SVIL: variants seen among roughly 807,000 people sequenced by gnomAD.
The protein encoded by SVIL is supervillin.
Under a neutral mutation model 240.4 loss-of-function variants are expected in SVIL, and 101 were observed. The observed-to-expected ratio is 0.42, with a 90% CI of 0.36 to 0.50. SVIL has a LOEUF of 0.50. SVIL is among the 20% of genes least tolerant of loss of function. The probability of loss-of-function intolerance (pLI) is 0.01; values close to 1 mark genes in which losing one functional copy is unlikely to be tolerated. For synonymous variants in SVIL, 999 were observed against 1,100.0 expected (o/e 0.91, Z 1.82); for missense variants, 2,512 against 2,818.7 (o/e 0.89, Z 2.46).
At chr10:29,475,242 C>G (rs10740804) in intron 29 of SVIL, 56,939 of 152,054 alleles carry the variant, frequency 0.37, 10,983 homozygotes, top group East Asian at 0.54. Context: ...TGTTACCCAG[C>G]CTAGTCTCTA....
chr10:29,719,900 A>G (rs561046563), intron 1 of SVIL, among the ~76,000 whole-genome samples: 2 of 152,376 alleles, frequency 1.3e-5, no homozygotes, highest in East Asian at 3.9e-4. Context: ...AATGATATTT[A>G]AAGAAATAAT....
chr10:29,510,119 C>A (rs1949719241), intron 17 of SVIL, among the ~76,000 whole-genome samples: 1 of 152,180 alleles, frequency 6.6e-6, no homozygotes, highest in Non-Finnish European at 1.5e-5. Context: ...GTCTAAAACT[C>A]CTGGGCTCAA....
At chr10:29,578,414 CA>C (rs1278285959) in intron 1 of SVIL, among the ~76,000 whole-genome samples, 1 of 152,206 alleles carries the variant, frequency 6.6e-6, no homozygotes. Flanking sequence ...GCCTATGGCT[CA>C]AAATCAGCCT....
intron 17 of SVIL, chr10:29,508,565 C>T: frequency 2.5e-6 from 1 of 395,648 alleles, no homozygotes; most frequent in Non-Finnish European, 4.9e-6. Context: ...GCAGAATGAT[C>T]ATCTGGAGTT....
intron 17 of SVIL, among the ~76,000 whole-genome samples, chr10:29,500,079 G>A (rs1415892616): frequency 6.6e-6 from 1 of 152,138 alleles, no homozygotes; most frequent in Non-Finnish European, 1.5e-5. Flanking sequence ...AGGGCATCAG[G>A]AAAGGAGGAG....
At position 29,578,335 on chromosome 10, in the gene SVIL, C is replaced by T. The variant is rs1300811322; in HGVS notation, c.-200-9023G>A. ...ACAAATGAAGATGAAGGCAATAAGA[C>T]CTCTTAAATCCCCAAAGCTTAGACA... On this transcript the variant is annotated intron_variant, in intron 1 of 37. Coordinates refer to ENST00000355867, the MANE Select transcript of SVIL (RefSeq NM_021738.3). 2.6e-5 allele frequency among the ~76,000 whole-genome samples: 4 copies of T among 152,138 alleles called. No homozygotes were observed. The East Asian group carries it at 5.8e-4, about 22-fold the overall frequency.
chr10:29,603,434 A>G (rs1956891439), intron 1 of SVIL, among the ~76,000 whole-genome samples: 1 of 152,248 alleles, frequency 6.6e-6, no homozygotes, highest in South Asian at 2.1e-4. Flanking sequence ...ATGTACTCAT[A>G]TGAAGCTTTT....
intron 3 of SVIL, among the ~76,000 whole-genome samples, chr10:29,557,288 G>A (rs1443871394): frequency 1.3e-5 from 1 of 74,236 alleles, no homozygotes; most frequent in Non-Finnish European, 2.7e-5. Flanking sequence ...TGTGGAGACG[G>A]GGTTTCGCTA....
Position 29,484,842 on chromosome 10 carries a change from T to A in SVIL, c.4780-11A>T, listed in dbSNP as rs375137896. The A allele has an allele frequency of 6.3e-6, 10 of 1,594,026 alleles. No individual in the cohort carries two copies. Among genetic ancestry groups the A allele is most frequent in the African/African-American group, 2.7e-5 (2 of 73,994 alleles). On this transcript the variant is annotated splice_polypyrimidine_tract_variant and intron_variant, in intron 26 of 37. Transcript: ENST00000355867. This position sits in a 1 kb window ranked among gnomAD's most constrained non-coding sequence, Gnocchi z 4.7. The stretch of plus-strand genomic sequence containing the variant: ...ATCAAACACCAGTACCTGGGAGAAA[T>A]GGCACAAAAGAATTTGTTAACTTCA...
At chr10:29,536,893 A>T (rs1430926841) in intron 6 of SVIL, among the ~76,000 whole-genome samples, 2 of 142,186 alleles carry the variant, frequency 1.4e-5, no homozygotes, top group African/African-American at 5.4e-5. Context: ...CCCGGGCGAT[A>T]ACAGCACGAC....
At chr10:29,570,199 C>T (rs1564656906) in intron 1 of SVIL, among the ~76,000 whole-genome samples, 1 of 152,176 alleles carries the variant, frequency 6.6e-6, no homozygotes, top group Non-Finnish European at 1.5e-5. Flanking sequence ...TAAAGAAATA[C>T]AATAAAATGA....
intron 1 of SVIL, among the ~76,000 whole-genome samples, chr10:29,710,880 C>G (rs1963227735): frequency 6.6e-6 from 1 of 152,136 alleles, no homozygotes; most frequent in Non-Finnish European, 1.5e-5. Flanking sequence ...TGGCATCCAA[C>G]ACATGGTAGA....
chr10:29,525,074 G>A (rs1298134175), intron 13 of SVIL, among the ~76,000 whole-genome samples: 1 of 152,166 alleles, frequency 6.6e-6, no homozygotes, highest in African/African-American at 2.4e-5. Flanking sequence ...ATTACCTACG[G>A]TGTATTTAGA....
chr10:29,593,207 A>C (rs1589343482), intron 1 of SVIL, among the ~76,000 whole-genome samples: 1 of 152,244 alleles, frequency 6.6e-6, no homozygotes, highest in East Asian at 1.9e-4. Flanking sequence ...ATTATAACGC[A>C]ATACTTCATT....
intron 22 of SVIL, among the ~76,000 whole-genome samples, chr10:29,490,597 A>C (rs202162042): frequency 2.7e-5 from 4 of 150,344 alleles, no homozygotes; most frequent in East Asian, 1.9e-4. Flanking sequence ...AAAAAAAAAA[A>C]AAAAAACCAA....
chr10:29,683,052 G>A (rs1960787064), intron 2 of SVIL, among the ~76,000 whole-genome samples: 1 of 152,182 alleles, frequency 6.6e-6, no homozygotes, highest in Admixed American at 6.5e-5. Context: ...ATGTGCTTAA[G>A]GTGACTGGGC....
intron 2 of SVIL, among the ~76,000 whole-genome samples, chr10:29,683,403 A>G (rs1960814326): frequency 6.6e-6 from 1 of 152,188 alleles, no homozygotes; most frequent in African/African-American, 2.4e-5. Context: ...AGTCTGTTCT[A>G]TCAGTCTTAA....
chr10:29,545,016 A>G (rs781152733), intron 6 of SVIL: 1 of 534,614 alleles, frequency 1.9e-6, no homozygotes, highest in Admixed American at 1.9e-5. Context: ...TCCATGATGC[A>G]CTGTCCTGAA....
chr10:29,458,758 C>G (rs1472292520), intron 36 of SVIL, 169 bp from the exon 37 acceptor site: 1 of 591,382 alleles, frequency 1.7e-6, no homozygotes, highest in Non-Finnish European at 2.7e-6. Context: ...TCGCCCAAAG[C>G]CCTGCAGTTG....
Sources: gnomAD v4.1 joint callset for allele counts (sites outside exome capture counted in the v4.1 genomes callset) on GRCh38, gnomAD v4.1.1 for gene constraint, Gnocchi (gnomAD v3.1) non-coding constraint, MANE v1.5 for transcripts, NCBI Gene and HGNC (gene_info 2026-07-23, HGNC 2026-07-21) for gene names.